Variants in LRRN2 observed in about 807,000 individuals in gnomAD.
LRRN2 encodes the protein leucine rich repeat neuronal 2, also known as leucine-rich repeat neuronal protein 2.
A neutral mutation model predicts 35.7 loss-of-function variants in LRRN2; 10 were observed. The observed-to-expected ratio is 0.28, with a 90% CI of 0.17 to 0.47. The LOEUF is 0.47. Among genes scored for constraint, LRRN2 ranks in the 20% least tolerant of loss-of-function variants. The probability of loss-of-function intolerance (pLI) is 0.99; values close to 1 mark genes in which losing one functional copy is unlikely to be tolerated. For synonymous variants in LRRN2, 391 were observed against 409.6 expected (o/e 0.95, Z 0.55); for missense variants, 731 against 940.3 (o/e 0.78, Z 2.91).
chr1:204,651,104 C>T (rs895904703), intron 1 of LRRN2, among the ~76,000 whole-genome samples: 9 of 152,234 alleles, frequency 5.9e-5, no homozygotes, highest in African/African-American at 1.9e-4. Context: ...TCCAAGCGTG[C>T]GATGATCTGA....
chr1:204,661,919 C>T (rs1447078518), intron 1 of LRRN2, among the ~76,000 whole-genome samples: 1 of 152,172 alleles, frequency 6.6e-6, no homozygotes, highest in Non-Finnish European at 1.5e-5. Flanking sequence ...ACCCCTGCAC[C>T]CCTGCACCCT....
At chr1:204,640,294 C>T (rs1189833053) in intron 1 of LRRN2, among the ~76,000 whole-genome samples, 1 of 152,146 alleles carries the variant, frequency 6.6e-6, no homozygotes, top group African/African-American at 2.4e-5. Context: ...TAATCCCACT[C>T]AGGTGGGCTC....
intron 1 of LRRN2, among the ~76,000 whole-genome samples, chr1:204,675,404 T>C (rs1035566679): frequency 6.6e-6 from 1 of 152,182 alleles, no homozygotes; most frequent in Non-Finnish European, 1.5e-5. Context: ...TAGGTGTCGG[T>C]AGGGTTGTGT....
chr1:204,673,079 T>C (rs1407415786), intron 1 of LRRN2, among the ~76,000 whole-genome samples: 1 of 152,172 alleles, frequency 6.6e-6, no homozygotes, highest in Non-Finnish European at 1.5e-5. Flanking sequence ...CCTCTCCCTC[T>C]GTCAGATGAT....
intron 1 of LRRN2, among the ~76,000 whole-genome samples, chr1:204,638,206 G>C (rs1044072596): frequency 1.3e-5 from 2 of 151,030 alleles, no homozygotes; most frequent in Non-Finnish European, 2.9e-5. Flanking sequence ...TGTTCGCAGA[G>C]CCAGAGCGCT....
intron 1 of LRRN2, among the ~76,000 whole-genome samples, chr1:204,633,722 C>T (rs1667764506): frequency 6.6e-6 from 1 of 152,240 alleles, no homozygotes; most frequent in African/African-American, 2.4e-5. Context: ...TGCTCTAACC[C>T]CGATCCCACA....
At chr1:204,647,261 C>A (rs929821391) in intron 1 of LRRN2, among the ~76,000 whole-genome samples, 1 of 151,942 alleles carries the variant, frequency 6.6e-6, no homozygotes, top group Non-Finnish European at 1.5e-5. Context: ...TTTCATGCCA[C>A]ATTGAATAAA....
chr1:204,653,759 G>A (rs1668282888), intron 1 of LRRN2, among the ~76,000 whole-genome samples: 1 of 151,940 alleles, frequency 6.6e-6, no homozygotes, highest in Admixed American at 6.6e-5. Flanking sequence ...CTACTTGGGA[G>A]GCTGAGGCAG....
At chr1:204,684,208 TCTC>T (rs1413139407) in intron 1 of LRRN2, among the ~76,000 whole-genome samples, 2 of 152,050 alleles carry the variant, frequency 1.3e-5, no homozygotes, top group Admixed American at 6.5e-5. Flanking sequence ...GGGAGGCTGT[TCTC>T]CTCACCACCC....
intron 1 of LRRN2, among the ~76,000 whole-genome samples, chr1:204,647,830 A>G (rs1388264415): frequency 6.6e-6 from 1 of 152,266 alleles, no homozygotes; most frequent in Admixed American, 6.5e-5. Flanking sequence ...TGTGCTGGAC[A>G]TGTAAATGTA....
At chr1:204,674,055 C>A (rs1411738069) in intron 1 of LRRN2, among the ~76,000 whole-genome samples, 1 of 152,182 alleles carries the variant, frequency 6.6e-6, no homozygotes, top group African/African-American at 2.4e-5. Flanking sequence ...GCCCCCCATG[C>A]CTGCCCAAAT....
At position 204,618,167 on chromosome 1, in the gene LRRN2, G is replaced by A. The variant is rs773264943; in HGVS notation, c.1826C>T (p.Ala609Val). ...CTCTTTGGTCCTGGCCCATACACAA[G>A]CCAACTGGGTGTGGGCATCAGCAAA... ...VAFADAHTQL[A>V]CVWARTKEAT... Residue 609 changes from alanine to valine, a missense_variant, in exon 2 of 2, where the codon GCT becomes GTT. By Grantham distance (64) the Ala-to-Val change is moderately conservative (BLOSUM62 0). Around this residue, in one of 3 missense-constraint regions of LRRN2, gnomAD observed 229 missense variants for 258.4 expected, o/e 0.89. Coordinates refer to ENST00000367177, the MANE Select transcript of LRRN2 (RefSeq NM_201630.2). The A allele has an allele frequency of 6.2e-7, 1 of 1,614,112 alleles. No individual in the cohort carries two copies. Among genetic ancestry groups the A allele is most frequent in the South Asian group, 1.1e-5 (1 of 91,078 alleles).
rs542573532 is a variant in LRRN2 at position 204,672,868 on chromosome 1, C to T, written c.-227+12452G>A. On this transcript the variant is annotated intron_variant, in intron 1 of 1. Coordinates refer to ENST00000367177, the MANE Select transcript of LRRN2 (RefSeq NM_201630.2). Reference sequence around the variant, plus strand: ...CCACCCACTAGTTCCATCAATCATCCGCTTCATCCAGCTCTAAAAACAGAC... The same window carrying T: ...CCACCCACTAGTTCCATCAATCATCTGCTTCATCCAGCTCTAAAAACAGAC... Among the ~76,000 whole-genome samples, 5 of 152,306 alleles carry T rather than the reference C, an allele frequency of 3.3e-5. 1 individual carries two copies. The highest frequency in any genetic ancestry group is 4.1e-4 in the South Asian group (2 of 4,826).
intron 1 of LRRN2, among the ~76,000 whole-genome samples, chr1:204,673,873 G>A (rs530384963): frequency 8.5e-5 from 13 of 152,138 alleles, no homozygotes; most frequent in Admixed American, 7.2e-4. Context: ...TGTGTGAGAG[G>A]CCTAGAAGCA....
intron 1 of LRRN2, among the ~76,000 whole-genome samples, chr1:204,645,972 C>T (rs538836112): frequency 2.0e-5 from 3 of 152,120 alleles, no homozygotes; most frequent in Admixed American, 6.5e-5. Flanking sequence ...AGAGCCAAAC[C>T]ATATCACTAT....
At chr1:204,659,554 C>T (rs80161545) in intron 1 of LRRN2, among the ~76,000 whole-genome samples, 9 of 152,184 alleles carry the variant, frequency 5.9e-5, no homozygotes, top group South Asian at 2.1e-4. Flanking sequence ...ATCTGTCTTA[C>T]GGCCACCTAA....
intron 1 of LRRN2, among the ~76,000 whole-genome samples, chr1:204,637,645 C>CGT (rs67761829): frequency 0.19 from 25,219 of 129,706 alleles, 1,847 homozygotes; most frequent in East Asian, 0.28. Flanking sequence ...CAGCACGTGA[C>CGT]GTGTGTGTGT....
At chr1:204,655,941 G>C (rs887976462) in intron 1 of LRRN2, among the ~76,000 whole-genome samples, 1 of 151,922 alleles carries the variant, frequency 6.6e-6, no homozygotes, top group Middle Eastern at 3.4e-3. Context: ...ACGGAGTCTC[G>C]CTCTGTCGCC....
At chr1:204,676,625 A>G (rs1159347426) in intron 1 of LRRN2, among the ~76,000 whole-genome samples, 1 of 152,124 alleles carries the variant, frequency 6.6e-6, no homozygotes, top group Non-Finnish European at 1.5e-5. Flanking sequence ...TTTTATGCAA[A>G]TTACTCACCT....
Sources: allele counts gnomAD v4.1 joint callset (sites outside exome capture counted in the v4.1 genomes callset), GRCh38; gene constraint gnomAD v4.1.1; regional missense constraint gnomAD v4.1.1; transcripts MANE v1.5; gene names NCBI Gene and HGNC (gene_info 2026-07-23, HGNC 2026-07-21).